AFF3: variants seen among roughly 807,000 people sequenced by gnomAD.
AFF3 encodes the protein ALF transcription elongation factor 3.
A neutral mutation model predicts 129.7 loss-of-function variants in AFF3; 32 were observed. The observed-to-expected ratio is 0.25, with a 90% CI of 0.19 to 0.33. AFF3 has a LOEUF of 0.33. Among genes scored for constraint, AFF3 ranks in the 10% least tolerant of loss-of-function variants. The pLI is 1.00. For missense variants in AFF3, 1,373 were observed against 1,592.0 expected (o/e 0.86, Z 2.34); for synonymous variants, 644 against 635.4 (o/e 1.01, Z -0.20).
Position 100,032,622 on chromosome 2 carries a change from T to C in AFF3, c.54-23690A>G, listed in dbSNP as rs562712591. ...GAACTTAATTTTGATGTAATGAAGA[T>C]ATCTAGTACAATTTTTTTCACATGG... On this transcript the variant is annotated intron_variant, in intron 4 of 24. Coordinates refer to ENST00000672756, the MANE Select transcript of AFF3 (RefSeq NM_001386135.1). Among the ~76,000 whole-genome samples, 11 of 152,360 alleles carry C rather than the reference T, an allele frequency of 7.2e-5. No homozygotes were observed. In the South Asian group the frequency reaches 1.9e-3, roughly 26 times the overall value.
In AFF3 at chr2:99,955,503, C is replaced by CA. The variant is rs532980197; in HGVS notation, c.873+51128dup. 4.8e-3 allele frequency among the ~76,000 whole-genome samples: 726 copies of CA among 151,820 alleles called. 7 individuals are homozygous for CA. The highest frequency in any genetic ancestry group is 0.015 in the African/African-American group (630 of 41,412). On this transcript the variant is annotated intron_variant, in intron 7 of 24. Coordinates refer to ENST00000672756, the MANE Select transcript of AFF3 (RefSeq NM_001386135.1). ...TAAATTTAAATATGTGTGTTATATA[C>CA]AAAAAAAAGATGAATTTTAAGATGC...
At chr2:99,749,461 T>C (rs1681447244) in intron 9 of AFF3, among the ~76,000 whole-genome samples, 1 of 152,248 alleles carries the variant, frequency 6.6e-6, no homozygotes. Context: ...TGCCCAGTTA[T>C]ATCAAAAGTT....
chr2:100,109,405 ACATTTACTTTT>A (rs1483188082), intron 2 of AFF3, among the ~76,000 whole-genome samples: 3 of 147,226 alleles, frequency 2.0e-5, no homozygotes, highest in Non-Finnish European at 4.5e-5. Flanking sequence ...GGCAGGAAGG[ACATTTACTTTT>A]CATAAAAGCG....
At chr2:99,853,161 T>C (rs1305451781) in intron 7 of AFF3, among the ~76,000 whole-genome samples, 2 of 152,200 alleles carry the variant, frequency 1.3e-5, no homozygotes, top group Admixed American at 1.3e-4. Flanking sequence ...ATGTCAAGTT[T>C]AAAATACTCA....
At chr2:99,857,164 T>G (rs886973197) in intron 7 of AFF3, among the ~76,000 whole-genome samples, 9 of 152,236 alleles carry the variant, frequency 5.9e-5, no homozygotes, top group African/African-American at 2.2e-4. Context: ...TCTGTGAAAC[T>G]GATCATCTTT....
At chr2:100,062,651 G>C (rs17023456) in intron 4 of AFF3, among the ~76,000 whole-genome samples, 4,225 of 152,222 alleles carry the variant, frequency 0.028, 163 homozygotes, top group African/African-American at 0.089. Context: ...CAGTACCCCC[G>C]CAGGACAGCA....
chr2:99,741,389 A>ACGT (rs1377971748), intron 10 of AFF3, among the ~76,000 whole-genome samples: 1 of 152,214 alleles, frequency 6.6e-6, no homozygotes, highest in African/African-American at 2.4e-5. Context: ...TACAAAATCA[A>ACGT]CGTACAAAAA....
intron 8 of AFF3, among the ~76,000 whole-genome samples, chr2:99,805,731 T>C (rs1266315355): frequency 6.6e-6 from 1 of 152,174 alleles, no homozygotes; most frequent in Non-Finnish European, 1.5e-5. Context: ...TTCACAATTA[T>C]GTATATGTCT....
intron 12 of AFF3, among the ~76,000 whole-genome samples, chr2:99,669,066 C>T (rs780372263): frequency 5.3e-5 from 8 of 152,158 alleles, no homozygotes; most frequent in Non-Finnish European, 1.2e-4. Context: ...TCTTACACTG[C>T]TGGTGGGACT....
intron 7 of AFF3, among the ~76,000 whole-genome samples, chr2:99,931,062 G>A (rs994878348): frequency 5.3e-5 from 8 of 152,074 alleles, no homozygotes; most frequent in African/African-American, 1.9e-4. Context: ...TCTTGTAGAC[G>A]GTTCATAGGT....
At chr2:99,891,863 C>A (rs930014510) in intron 7 of AFF3, among the ~76,000 whole-genome samples, 1 of 151,110 alleles carries the variant, frequency 6.6e-6, no homozygotes, top group African/African-American at 2.4e-5. Flanking sequence ...CGCTCTGTTG[C>A]CCAGGCTGGA....
At chr2:99,907,362 T>C (rs1328473333) in intron 7 of AFF3, among the ~76,000 whole-genome samples, 6 of 152,200 alleles carry the variant, frequency 3.9e-5, no homozygotes, top group Non-Finnish European at 5.9e-5. Flanking sequence ...AGTCATTCTA[T>C]GTGCAAGATT....
intron 13 of AFF3, among the ~76,000 whole-genome samples, chr2:99,641,833 G>A (rs1684226046): frequency 6.6e-6 from 1 of 152,118 alleles, no homozygotes; most frequent in Non-Finnish European, 1.5e-5. Context: ...GTACACTACC[G>A]GACCTGCGAC....
chr2:99,822,876 C>G (rs887618849), intron 8 of AFF3, among the ~76,000 whole-genome samples: 2 of 152,258 alleles, frequency 1.3e-5, no homozygotes, highest in Middle Eastern at 3.4e-3. Context: ...CTGGCGACTT[C>G]AGCAGGAAAA....
At chr2:99,597,276 A>G (rs1262438677) in intron 14 of AFF3, among the ~76,000 whole-genome samples, 1 of 152,242 alleles carries the variant, frequency 6.6e-6, no homozygotes, top group African/African-American at 2.4e-5. Flanking sequence ...GTCAGTCTTC[A>G]ACTTAAAATG....
intron 8 of AFF3, among the ~76,000 whole-genome samples, chr2:99,755,783 C>T (rs775966882): frequency 1.7e-4 from 26 of 152,310 alleles, no homozygotes; most frequent in Non-Finnish European, 2.6e-4. Flanking sequence ...TCCAGGGAAT[C>T]GCCAGGCCCT....
At chr2:99,554,781 A>G (rs1674768010) in intron 22 of AFF3, 49 bp from the exon 23 acceptor site, 1 of 1,607,982 alleles carries the variant, frequency 6.2e-7, no homozygotes, top group African/African-American at 1.3e-5. Flanking sequence ...GCGTGAGGTG[A>G]AACAGGTGAC....
chr2:99,964,620 G>C (rs535012529), intron 7 of AFF3, among the ~76,000 whole-genome samples: 1 of 152,058 alleles, frequency 6.6e-6, no homozygotes, highest in Non-Finnish European at 1.5e-5. Flanking sequence ...AATGCTGAGC[G>C]GGGAATTTAC....
chr2:99,712,455 AG>A (rs1435010807), intron 11 of AFF3, among the ~76,000 whole-genome samples: 4 of 152,370 alleles, frequency 2.6e-5, no homozygotes, highest in Non-Finnish European at 5.9e-5. Flanking sequence ...GAAACATGGC[AG>A]GGGCCCAGTG....
Sources: allele counts gnomAD v4.1 joint callset (sites outside exome capture counted in the v4.1 genomes callset), GRCh38; gene constraint gnomAD v4.1.1; transcripts MANE v1.5; gene names NCBI Gene and HGNC (gene_info 2026-07-23, HGNC 2026-07-21).